MLLT10: variants seen among roughly 807,000 people sequenced by gnomAD.
MLLT10 encodes MLLT10 histone lysine methyltransferase DOT1L cofactor.
MLLT10 carries 30 observed loss-of-function variants against 129.1 expected under a neutral mutation model. The ratio of observed to expected loss-of-function variants is 0.23; its 90% CI spans 0.17 to 0.32. The LOEUF (loss-of-function observed/expected upper bound fraction) is 0.32, where lower values mean the gene tolerates loss of function less well. Among genes scored for constraint, MLLT10 ranks in the 10% least tolerant of loss-of-function variants. MLLT10 has a pLI of 1.00. For missense variants in MLLT10, 1,119 were observed against 1,268.3 expected (o/e 0.88, Z 1.79); for synonymous variants, 490 against 446.4 (o/e 1.10, Z -1.23).
intron 22 of MLLT10, among the ~76,000 whole-genome samples, chr10:21,741,273 TTC>T (rs1218911709): frequency 3.9e-5 from 3 of 77,698 alleles, no homozygotes; most frequent in South Asian, 5.5e-4. Flanking sequence ...GTAGTATTTT[TTC>T]CCCCCCAGTG....
At chr10:21,578,634 G>A (rs1051379168) in intron 3 of MLLT10, among the ~76,000 whole-genome samples, 2 of 152,124 alleles carry the variant, frequency 1.3e-5, no homozygotes, top group African/African-American at 4.8e-5. Flanking sequence ...TAATTTTTAA[G>A]TATAGTATCA....
chr10:21,597,494 C>A (rs1316675971), intron 5 of MLLT10, among the ~76,000 whole-genome samples: 2 of 152,230 alleles, frequency 1.3e-5, no homozygotes, highest in South Asian at 4.2e-4. Context: ...CTCAGCGTCC[C>A]GAGTAGCTGG....
At chr10:21,534,121 A>G (rs963751519), upstream of MLLT10, 4 of 273,052 alleles carry the variant, frequency 1.5e-5, no homozygotes, top group Non-Finnish European at 1.4e-5. Flanking sequence ...GGCGCGGGGG[A>G]GGGGGACGGG....
At chr10:21,580,283 C>G (rs1400843682) in intron 3 of MLLT10, among the ~76,000 whole-genome samples, 2 of 151,780 alleles carry the variant, frequency 1.3e-5, no homozygotes, top group Non-Finnish European at 2.9e-5. Context: ...TGACATTTTT[C>G]CGTAAAACTT....
At chr10:21,709,123 T>G (rs2055826305) in intron 13 of MLLT10, among the ~76,000 whole-genome samples, 1 of 152,230 alleles carries the variant, frequency 6.6e-6, no homozygotes, top group Non-Finnish European at 1.5e-5. Context: ...CTGTTTCAAT[T>G]TCAGCATGCT....
At chr10:21,560,150 C>T (rs761745084) in intron 3 of MLLT10, among the ~76,000 whole-genome samples, 2 of 152,082 alleles carry the variant, frequency 1.3e-5, no homozygotes, top group Admixed American at 6.6e-5. Flanking sequence ...GGATTACAGG[C>T]GTGCGCCACC....
chr10:21,629,285 T>A (rs187234503), intron 8 of MLLT10, among the ~76,000 whole-genome samples: 6 of 152,326 alleles, frequency 3.9e-5, no homozygotes, highest in East Asian at 3.9e-4. Flanking sequence ...TTTATTTTTT[T>A]AATTTATTTG....
chr10:21,726,739 A>G (rs2057546712), intron 15 of MLLT10, among the ~76,000 whole-genome samples: 1 of 134,018 alleles, frequency 7.5e-6, no homozygotes, highest in South Asian at 2.3e-4. Flanking sequence ...CAACAGAGCC[A>G]TCAGCAAGCA....
At chr10:21,706,274 TAGACAGC>T (rs1564686118) in intron 13 of MLLT10, among the ~76,000 whole-genome samples, 2 of 152,216 alleles carry the variant, frequency 1.3e-5, no homozygotes, top group African/African-American at 4.8e-5. Flanking sequence ...TACTATGTGG[TAGACAGC>T]ATACTGTCTA....
chr10:21,548,944 T>C (rs1040666715), intron 3 of MLLT10, among the ~76,000 whole-genome samples: 1 of 152,114 alleles, frequency 6.6e-6, no homozygotes, highest in African/African-American at 2.4e-5. Context: ...CTTTATATAT[T>C]GTGTAATTTT....
chr10:21,697,777 C>T (rs1192866334), intron 13 of MLLT10, among the ~76,000 whole-genome samples: 1 of 152,090 alleles, frequency 6.6e-6, no homozygotes, highest in Non-Finnish European at 1.5e-5. Flanking sequence ...ATATATTCTA[C>T]AGTCTAGAAA....
At chr10:21,535,857 G>A (rs74120972) in intron 2 of MLLT10, among the ~76,000 whole-genome samples, 94 of 152,338 alleles carry the variant, frequency 6.2e-4, no homozygotes, top group African/African-American at 2.2e-3. Flanking sequence ...CACTTGGAAA[G>A]GGAGACTTTA....
At chr10:21,620,794 G>A (rs1181321658) in intron 8 of MLLT10, among the ~76,000 whole-genome samples, 1 of 151,444 alleles carries the variant, frequency 6.6e-6, no homozygotes, top group Non-Finnish European at 1.5e-5. Context: ...AGGTTCAAGC[G>A]ATTCTTCTGC....
chr10:21,653,139 C>A (rs754815809), intron 9 of MLLT10, among the ~76,000 whole-genome samples: 6 of 152,142 alleles, frequency 3.9e-5, no homozygotes, highest in Non-Finnish European at 8.8e-5. Context: ...ACTTACTAGT[C>A]GTTCTGTAGG....
chr10:21,594,347 C>G (rs908181404), intron 4 of MLLT10, among the ~76,000 whole-genome samples: 4 of 151,802 alleles, frequency 2.6e-5, no homozygotes, highest in African/African-American at 9.7e-5. Flanking sequence ...GTCGGGAGTT[C>G]AAGACCAGCC....
intron 1 of MLLT10, 30 bp downstream of exon 1, chr10:21,534,550 CG>C (rs1041179613): frequency 1.0e-5 from 10 of 977,998 alleles, no homozygotes; most frequent in Middle Eastern, 4.3e-4. Flanking sequence ...CCGGGCCGGG[CG>C]GGGGGCGCCG....
upstream of MLLT10, among the ~76,000 whole-genome samples, chr10:21,533,974 C>A (rs1198989841): frequency 2.0e-5 from 3 of 152,086 alleles, no homozygotes; most frequent in African/African-American, 4.8e-5. Context: ...CACACGCGGC[C>A]CGCGCCACCA....
intron 5 of MLLT10, among the ~76,000 whole-genome samples, chr10:21,609,643 A>T (rs1470006909): frequency 1.3e-5 from 2 of 152,076 alleles, no homozygotes; most frequent in Non-Finnish European, 2.9e-5. Context: ...TCACTCTGTT[A>T]ATCTTCTGGC....
intron 9 of MLLT10, among the ~76,000 whole-genome samples, chr10:21,657,735 CTT>C (rs1214058578): frequency 2.0e-5 from 3 of 152,196 alleles, no homozygotes; most frequent in Non-Finnish European, 4.4e-5. Context: ...GTTTTTGTCT[CTT>C]TCTCTTTGCA....
Sources: allele counts gnomAD v4.1 joint callset (sites outside exome capture counted in the v4.1 genomes callset), GRCh38; gene constraint gnomAD v4.1.1; transcripts MANE v1.5; gene names NCBI Gene and HGNC (gene_info 2026-07-23, HGNC 2026-07-21).